ATP11A: variants seen among roughly 807,000 people sequenced by gnomAD.
ATP11A encodes the protein phospholipid-transporting ATPase IH.
Under a neutral mutation model 154.4 loss-of-function variants are expected in ATP11A, and 81 were observed. The observed-to-expected ratio is 0.52, with a 90% CI of 0.44 to 0.63. The LOEUF (loss-of-function observed/expected upper bound fraction) is 0.63. ATP11A is among the 30% of genes least tolerant of loss of function. ATP11A has a pLI of 0.00. For synonymous variants in ATP11A, 623 were observed against 585.9 expected (o/e 1.06, Z -0.91); for missense variants, 1,316 against 1,474.3 (o/e 0.89, Z 1.76).
At chr13:112,732,641 T>C (rs1348389752) in intron 1 of ATP11A, among the ~76,000 whole-genome samples, 1 of 152,256 alleles carries the variant, frequency 6.6e-6, no homozygotes, top group Non-Finnish European at 1.5e-5. Context: ...AGACAGAGTC[T>C]CGCTTTGTTG....
Position 112,862,435 on chromosome 13 carries a change from A to G in ATP11A, c.2856-5A>G. 1 of 1,613,350 alleles carries G rather than the reference A, an allele frequency of 6.2e-7. No homozygotes were observed. The highest frequency in any genetic ancestry group is 8.5e-7 in the Non-Finnish European group (1 of 1,179,956). The stretch of plus-strand genomic sequence containing the variant: ...ACACACGCTGTGCACCTTTCTCCTC[A>G]CCAGGGACGTCGCCAAGAATGCCCT... On this transcript the variant is annotated splice_polypyrimidine_tract_variant and splice_region_variant and intron_variant, in intron 24 of 29. Transcript: ENST00000375645.
At chr13:112,864,105 C>T (rs2080229215) in intron 25 of ATP11A, among the ~76,000 whole-genome samples, 1 of 90,164 alleles carries the variant, frequency 1.1e-5, no homozygotes, top group African/African-American at 4.0e-5. Flanking sequence ...GGTCCATCAC[C>T]ACCTGCGCAG....
chr13:112,834,607 A>G lies in ATP11A; in HGVS notation c.1578A>G (p.Leu526=). The G allele has an allele frequency of 6.2e-7, 1 of 1,613,892 alleles. No homozygotes were observed. Among genetic ancestry groups the G allele is most frequent in the Middle Eastern group, 1.6e-4 (1 of 6,062 alleles). Reference sequence around the variant, plus strand: ...ATTGCAGACTTGGCTTTACCTACCTAAGGCTGAAGGACAATTACATGGAGA... The same window carrying G: ...ATTGCAGACTTGGCTTTACCTACCTGAGGCTGAAGGACAATTACATGGAGA... ...EGVQRLGFTY[L]RLKDNYMEIL... The change falls in exon 15 of 30, where the codon CTA becomes CTG. Residue 526 remains leucine (L), a synonymous_variant. Transcript: ENST00000375645.
At chr13:112,714,491 T>C (rs1888200727) in intron 1 of ATP11A, among the ~76,000 whole-genome samples, 1 of 152,142 alleles carries the variant, frequency 6.6e-6, no homozygotes, top group Non-Finnish European at 1.5e-5. Flanking sequence ...CCCCGAACCC[T>C]GCCCAGCTCT....
Position 112,854,616 on chromosome 13 carries a change from C to T in ATP11A, c.2243+86C>T, listed in dbSNP as rs765712527. 4.1e-6 allele frequency: 6 copies of T among 1,464,356 alleles called. No individual in the cohort carries two copies. The Admixed American group carries it at 8.4e-5, about 20-fold the overall frequency. 90.7% of individuals were successfully genotyped at this position (1,464,356 alleles called of 1,614,324 possible). On this transcript the variant is annotated intron_variant, in intron 19 of 29. Transcript: ENST00000375645. Reference sequence around the variant, plus strand: ...GGCCTTCACCTGCAAGTCGGGGAGCCGCATTGTCTCTACTGGGAATTCGGT... The same window carrying T: ...GGCCTTCACCTGCAAGTCGGGGAGCTGCATTGTCTCTACTGGGAATTCGGT...
chr13:112,884,988 A>G lies in ATP11A; in HGVS notation c.*3122A>G, dbSNP rs1199784928. On this transcript the variant is annotated 3_prime_UTR_variant, in exon 30 of 30. Transcript: ENST00000375645. The stretch of plus-strand genomic sequence containing the variant: ...TGGGGGCTTGCACACAGGATCACTC[A>G]CATATGTACATGTACCCACCACAAA... The G allele has an allele frequency of 6.6e-6, 1 of 152,410 alleles. No homozygotes were observed. The highest frequency in any genetic ancestry group is 2.4e-5 in the African/African-American group (1 of 41,472). The allele number at this position is 152,410 out of a possible 1,614,324, so 9.4% of individuals were successfully genotyped here.
chr13:112,819,092 G>T (rs1167393588), intron 6 of ATP11A, among the ~76,000 whole-genome samples: 1 of 152,240 alleles, frequency 6.6e-6, no homozygotes, highest in African/African-American at 2.4e-5. Flanking sequence ...TTAGTTTTAA[G>T]TGGAGGACAC....
At chr13:112,728,092 A>G (rs1224892971) in intron 1 of ATP11A, among the ~76,000 whole-genome samples, 1 of 152,178 alleles carries the variant, frequency 6.6e-6, no homozygotes, top group African/African-American at 2.4e-5. Context: ...AGGTCTGTGC[A>G]CCTGCTCACA....
At chr13:112,817,338 T>A (rs1439496407) in intron 6 of ATP11A, among the ~76,000 whole-genome samples, 1 of 152,240 alleles carries the variant, frequency 6.6e-6, no homozygotes, top group Non-Finnish European at 1.5e-5. Context: ...CATAGATAAT[T>A]CATGATATGT....
chr13:112,787,535 C>T, intron 2 of ATP11A, among the ~76,000 whole-genome samples: 1 of 83,132 alleles, frequency 1.2e-5, no homozygotes, highest in South Asian at 4.4e-4. Flanking sequence ...ACTTAATTCA[C>T]ACCGGGTGTC....
rs988795054 is a variant in ATP11A at position 112,810,640 on chromosome 13, C to T, written c.355C>T (p.His119Tyr). 6.2e-7 allele frequency: 1 copy of T among 1,614,054 alleles called. No homozygotes were observed. Among genetic ancestry groups the T allele is most frequent in the Non-Finnish European group, 8.5e-7 (1 of 1,179,988 alleles). ...TTAGGGTTATGAAGACTGGCTTCGA[C>T]ATAAAGCAGACAATGCCATGAACCA... ...IKQGYEDWLR[H>Y]KADNAMNQCP... Residue 119 changes from histidine (H) to tyrosine (Y), a missense_variant, in exon 5 of 30, where the codon CAT becomes TAT. Physicochemically the swap from His to Tyr is moderately conservative, Grantham distance 83. Transcript: ENST00000375645.
chr13:112,878,375 G>A (rs1055946922), intron 29 of ATP11A, 72 bp downstream of exon 29: 1 of 1,533,932 alleles, frequency 6.5e-7, no homozygotes, highest in African/African-American at 1.4e-5. Flanking sequence ...CATCACCAGA[G>A]CCCTGAGTCC....
At chr13:112,699,393 T>G (rs1294701109) in intron 1 of ATP11A, among the ~76,000 whole-genome samples, 1 of 152,212 alleles carries the variant, frequency 6.6e-6, no homozygotes, top group Non-Finnish European at 1.5e-5. Flanking sequence ...GAAGGCATAT[T>G]AGAAGTTTGC....
At chr13:112,864,727 T>C (rs1354149960) in intron 25 of ATP11A, among the ~76,000 whole-genome samples, 4 of 65,962 alleles carry the variant, frequency 6.1e-5, no homozygotes, top group South Asian at 4.5e-4. Context: ...GTGCAGCACG[T>C]GCAGCTTCCC....
intron 17 of ATP11A, among the ~76,000 whole-genome samples, chr13:112,844,389 G>A (rs958655595): frequency 1.3e-5 from 2 of 152,214 alleles, no homozygotes; most frequent in Non-Finnish European, 2.9e-5. Context: ...TGCGAGAGCA[G>A]CAAGGGCATT....
chr13:112,836,574 C>T (rs983305323), intron 16 of ATP11A, among the ~76,000 whole-genome samples: 1 of 152,210 alleles, frequency 6.6e-6, no homozygotes, highest in Non-Finnish European at 1.5e-5. Flanking sequence ...CCCTATCCCC[C>T]ACCCGCTTTT....
Position 112,883,489 on chromosome 13 carries a change from T to C in ATP11A, c.*1623T>C. 1 of 326,574 alleles carries C rather than the reference T, an allele frequency of 3.1e-6. No homozygotes were observed. The highest frequency in any genetic ancestry group is 4.8e-5 in the East Asian group (1 of 20,874). The allele number at this position is 326,574 out of a possible 1,614,324, so 20.2% of individuals were successfully genotyped here. ...TCCGGCAAGTGAAACCCAGAGGGTG[T>C]TTCCGAGGTGCTCGACAGTAGGTAT... is the stretch of plus-strand genomic sequence containing the variant. On this transcript the variant is annotated 3_prime_UTR_variant, in exon 30 of 30. Transcript: ENST00000375645.
chr13:112,834,897 A>T (rs994177006), intron 15 of ATP11A, among the ~76,000 whole-genome samples: 2 of 152,160 alleles, frequency 1.3e-5, no homozygotes, highest in Non-Finnish European at 2.9e-5. Context: ...TTTCTTGGAG[A>T]TGTAAATTGG....
At chr13:112,701,831 A>AC in intron 1 of ATP11A, among the ~76,000 whole-genome samples, 1 of 151,748 alleles carries the variant, frequency 6.6e-6, no homozygotes, top group Non-Finnish European at 1.5e-5. Flanking sequence ...GGCTGTCAAC[A>AC]CATTTATAAC....
Sources: allele counts gnomAD v4.1 joint callset (sites outside exome capture counted in the v4.1 genomes callset), GRCh38; gene constraint gnomAD v4.1.1; transcripts MANE v1.5; gene names NCBI Gene and HGNC (gene_info 2026-07-23, HGNC 2026-07-21).